The following PATJ variants were observed in gnomAD, a reference collection of about 807,000 sequenced individuals.
PATJ encodes inaD-like protein.
In PATJ, 190 loss-of-function variants were observed where a neutral mutation model predicts 224.9. That is an observed-to-expected ratio of 0.84 (90% CI 0.75 to 0.95). The LOEUF is 0.95. Ranked by LOEUF, PATJ falls within the 40% of genes least tolerant of loss-of-function variation. The pLI is 0.00. For synonymous variants in PATJ, 769 were observed against 820.3 expected (o/e 0.94, Z 1.07); for missense variants, 2,121 against 2,270.3 (o/e 0.93, Z 1.34).
At chr1:61,836,915 A>G (rs1306214524) in intron 17 of PATJ, among the ~76,000 whole-genome samples, 1 of 152,252 alleles carries the variant, frequency 6.6e-6, no homozygotes, top group Non-Finnish European at 1.5e-5. Flanking sequence ...ATTTAGCTAC[A>G]GAGAGAAAGT....
rs942081437 is a variant in PATJ at position 62,020,900 on chromosome 1, A to C, written c.3959+2953A>C. 4.6e-5 allele frequency among the ~76,000 whole-genome samples: 7 copies of C among 152,216 alleles called. No homozygotes were observed. The East Asian group carries it at 1.4e-3, about 29-fold the overall frequency. ...GAGTGCAGTGGTGCGATCTTGGCAC[A>C]CTGCAACCACTGCCTCCCAGGCTCA... On this transcript the variant is annotated intron_variant, in intron 29 of 43. Transcript: ENST00000642238.
intron 29 of PATJ, among the ~76,000 whole-genome samples, chr1:62,022,565 A>G (rs1379236034): frequency 1.3e-5 from 2 of 152,176 alleles, no homozygotes; most frequent in Non-Finnish European, 2.9e-5. Context: ...TAACACAACA[A>G]ATGAATTGCT....
intron 31 of PATJ, among the ~76,000 whole-genome samples, chr1:62,067,611 G>A (rs1656706121): frequency 1.3e-5 from 2 of 152,164 alleles, no homozygotes; most frequent in South Asian, 4.1e-4. Context: ...CAGTGAGGTG[G>A]TCAAGAAGCT....
chr1:61,870,537 A>G (rs1248348526), intron 20 of PATJ, among the ~76,000 whole-genome samples: 4 of 152,034 alleles, frequency 2.6e-5, no homozygotes, highest in Admixed American at 2.6e-4. Flanking sequence ...CTGCCCTTAA[A>G]TTTCTCTGCC....
At chr1:61,822,159 A>C (rs1264281103) in intron 14 of PATJ, among the ~76,000 whole-genome samples, 1 of 152,190 alleles carries the variant, frequency 6.6e-6, no homozygotes, top group Non-Finnish European at 1.5e-5. Flanking sequence ...GGCTGAAGTT[A>C]TGGAGATTAA....
chr1:62,144,916 C>T (rs1485483164), intron 41 of PATJ, among the ~76,000 whole-genome samples: 2 of 151,740 alleles, frequency 1.3e-5, no homozygotes, highest in African/African-American at 2.4e-5. Flanking sequence ...ACGATCTCTG[C>T]TTATTGCAAC....
intron 1 of PATJ, among the ~76,000 whole-genome samples, chr1:61,745,769 A>G (rs1644991585): frequency 2.0e-5 from 3 of 147,824 alleles, no homozygotes; most frequent in South Asian, 4.2e-4. Flanking sequence ...ACACCTGTCT[A>G]ATTTTTATAT....
intron 41 of PATJ, among the ~76,000 whole-genome samples, chr1:62,136,518 C>G (rs1440183752): frequency 1.4e-5 from 2 of 144,694 alleles, no homozygotes; most frequent in African/African-American, 2.6e-5. Flanking sequence ...TGTAATGTGT[C>G]CCCATCTTAA....
intron 27 of PATJ, among the ~76,000 whole-genome samples, chr1:61,950,006 C>T (rs921313810): frequency 6.6e-6 from 1 of 152,164 alleles, no homozygotes; most frequent in Non-Finnish European, 1.5e-5. Flanking sequence ...TCGAAACCAG[C>T]CTGACTGACC....
chr1:61,946,251 C>T (rs1557920704), intron 27 of PATJ, among the ~76,000 whole-genome samples: 2 of 151,996 alleles, frequency 1.3e-5, no homozygotes. Flanking sequence ...ACACAAAAAA[C>T]CCTTCAAAAA....
chr1:61,820,939 T>A (rs1657130542), intron 14 of PATJ, among the ~76,000 whole-genome samples: 1 of 152,034 alleles, frequency 6.6e-6, no homozygotes, highest in South Asian at 2.1e-4. Flanking sequence ...CACTAATATC[T>A]CCTTAGCTAT....
chr1:62,133,154 T>C (rs1237412010), intron 41 of PATJ, among the ~76,000 whole-genome samples: 4 of 141,596 alleles, frequency 2.8e-5, no homozygotes, highest in African/African-American at 1.1e-4. Flanking sequence ...AAGAATATTA[T>C]TTAGCTTATT....
In PATJ at chr1:62,127,997, G is replaced by T; in HGVS notation, c.5069G>T (p.Ser1690Ile). 6.2e-7 allele frequency: 1 copy of T among 1,614,048 alleles called. No homozygotes were observed. Among genetic ancestry groups the T allele is most frequent in the Non-Finnish European group, 8.5e-7 (1 of 1,179,920 alleles). ...NRELSDALGISIAGGRGSPLG... is the reference protein window; with the variant it reads ...NRELSDALGIIIAGGRGSPLG... ...GAGCTCAGTGATGCCCTTGGAATCA[G>T]TATTGCTGGAGGAAGAGGAAGTCCC... Residue 1690 changes from serine (S) to isoleucine (I), a missense_variant, in exon 40 of 44, where the codon AGT becomes ATT. Physicochemically the swap from Ser to Ile is moderately radical, Grantham distance 142. Coordinates refer to ENST00000642238, the MANE Select transcript of PATJ (RefSeq NM_001350145.3).
intron 33 of PATJ, among the ~76,000 whole-genome samples, chr1:62,097,882 A>C (rs58585691): frequency 0.26 from 39,899 of 152,066 alleles, 5,781 homozygotes; most frequent in South Asian, 0.42. Context: ...GGACCTAAAT[A>C]TCTGTATAAA....
intron 41 of PATJ, 84 bp downstream of exon 41, chr1:62,129,029 C>T (rs1666015519): frequency 2.5e-6 from 2 of 815,388 alleles, no homozygotes; most frequent in South Asian, 1.8e-5. Flanking sequence ...CAGTAGACAT[C>T]GCCACCCAGC....
intron 20 of PATJ, among the ~76,000 whole-genome samples, chr1:61,872,625 C>T (rs1364843879): frequency 6.6e-6 from 1 of 152,220 alleles, no homozygotes; most frequent in Non-Finnish European, 1.5e-5. Context: ...GCAGCCTTTG[C>T]TGACATCAAG....
At chr1:61,868,783 C>T (rs990577127) in intron 20 of PATJ, among the ~76,000 whole-genome samples, 11 of 151,340 alleles carry the variant, frequency 7.3e-5, no homozygotes, top group South Asian at 4.2e-4. Context: ...AGAGAGACTC[C>T]GTCTCAAAAA....
intron 1 of PATJ, among the ~76,000 whole-genome samples, chr1:61,751,782 C>T (rs2148190298): frequency 6.6e-6 from 1 of 151,856 alleles, no homozygotes; most frequent in East Asian, 1.9e-4. Context: ...GCCAAGACCG[C>T]ACCACTGCAC....
chr1:61,842,815 A>T (rs945605883), intron 17 of PATJ, among the ~76,000 whole-genome samples: 2 of 152,192 alleles, frequency 1.3e-5, no homozygotes, highest in Non-Finnish European at 2.9e-5. Flanking sequence ...CTCGGTCCCC[A>T]GAGGTGTTTC....
Sources: gnomAD v4.1 joint callset for allele counts (sites outside exome capture counted in the v4.1 genomes callset) on GRCh38, gnomAD v4.1.1 for gene constraint, MANE v1.5 for transcripts, NCBI Gene and HGNC (gene_info 2026-07-23, HGNC 2026-07-21) for gene names.